The following CRTAC1 variants were observed in gnomAD, a reference collection of about 807,000 sequenced individuals.
CRTAC1 encodes acidic secreted protein in cartilage.
In CRTAC1, 37 loss-of-function variants were observed where a neutral mutation model predicts 67.8. The observed-to-expected ratio is 0.55, with a 90% CI of 0.42 to 0.72. The LOEUF is 0.72. CRTAC1 is among the 30% of genes least tolerant of loss of function. The pLI, the probability that CRTAC1 is intolerant of heterozygous loss-of-function variation, is 0.00. For synonymous variants in CRTAC1, 348 were observed against 371.0 expected, an observed-to-expected ratio of 0.94 and a Z score of 0.71; for missense variants, 780 against 931.6, an observed-to-expected ratio of 0.84 and a Z score of 2.12.
intron 2 of CRTAC1, among the ~76,000 whole-genome samples, chr10:97,997,278 A>G (rs1590276041): frequency 7.2e-6 from 1 of 138,562 alleles, no homozygotes; most frequent in East Asian, 2.0e-4. Context: ...TAAATAAAAT[A>G]AAATAGTCAA....
intron 1 of CRTAC1, among the ~76,000 whole-genome samples, chr10:98,015,313 A>G (rs1842975024): frequency 6.6e-6 from 1 of 152,186 alleles, no homozygotes; most frequent in Non-Finnish European, 1.5e-5. Flanking sequence ...TCATAGAGGT[A>G]GAAAGCAGAA....
Position 98,011,284 on chromosome 10 carries a change from C to T in CRTAC1, c.78G>A (p.Glu26=), listed in dbSNP as rs746436777. 20 of 1,614,062 alleles carry T rather than the reference C, an allele frequency of 1.2e-5. No individual in the cohort carries two copies. The South Asian group carries it at 2.0e-4, about 16-fold the overall frequency. ...ACATGGGTTCAGCCCGCTGGGACCC[C>T]TCAGTGATGGGCAGAAACCAGAGCA... ...LLLLWFLPIT[E]GSQRAEPMFT... is the part of the protein sequence containing the mutation. Residue 26 remains glutamate, a synonymous_variant, in exon 2 of 15, where the codon GAG becomes GAA. Transcript: ENST00000370597.
intron 2 of CRTAC1, among the ~76,000 whole-genome samples, chr10:98,005,609 ATTATAT>A (rs1272221835): frequency 6.6e-6 from 1 of 151,164 alleles, no homozygotes; most frequent in Non-Finnish European, 1.5e-5. Flanking sequence ...TATGTATCTA[ATTATAT>A]TTATATACAT....
At chr10:97,967,685 T>C (rs902588479) in intron 2 of CRTAC1, among the ~76,000 whole-genome samples, 5 of 152,164 alleles carry the variant, frequency 3.3e-5, no homozygotes, top group South Asian at 4.1e-4. Context: ...GGGAGACTGA[T>C]TTTTAAACAA....
intron 2 of CRTAC1, among the ~76,000 whole-genome samples, chr10:98,006,568 C>G (rs921294071): frequency 3.3e-5 from 5 of 152,168 alleles, no homozygotes; most frequent in African/African-American, 1.2e-4. Flanking sequence ...ACAAACCGAC[C>G]CGCAACAAGC....
intron 2 of CRTAC1, among the ~76,000 whole-genome samples, chr10:97,946,322 G>A (rs1395935413): frequency 1.3e-5 from 2 of 152,310 alleles, no homozygotes; most frequent in Admixed American, 1.3e-4. Context: ...GATGTGGTCA[G>A]CACTTCCTTT....
chr10:97,993,477 C>A (rs1260643044), intron 2 of CRTAC1, among the ~76,000 whole-genome samples: 2 of 152,158 alleles, frequency 1.3e-5, no homozygotes, highest in African/African-American at 4.8e-5. Flanking sequence ...TCCATATATG[C>A]CTTATCTCTC....
Position 98,030,006 on chromosome 10 carries a change from C to G in CRTAC1, c.24+443G>C, listed in dbSNP as rs761476911. Among the ~76,000 whole-genome samples the G allele has an allele frequency of 3.3e-5, 5 of 152,074 alleles. No homozygotes were observed. Among genetic ancestry groups the G allele is most frequent in the Non-Finnish European group, 7.4e-5 (5 of 67,978 alleles). Reference sequence around the variant, plus strand: ...CTTCCCCAGCCTGGAAGCGTAGGCACTCGGCCGAGGCCAGTGGCTTCCCAG... The same window carrying G: ...CTTCCCCAGCCTGGAAGCGTAGGCAGTCGGCCGAGGCCAGTGGCTTCCCAG... On this transcript the variant is annotated intron_variant, in intron 1 of 14. Coordinates refer to ENST00000370597, the MANE Select transcript of CRTAC1 (RefSeq NM_018058.7). The surrounding 1 kb of genome is among the most constrained non-coding windows in gnomAD (Gnocchi z 4.2).
At position 97,865,262 on chromosome 10, in the gene CRTAC1, C is replaced by A. The variant is rs2050006196; in HGVS notation, c.*286G>T. On this transcript the variant is annotated 3_prime_UTR_variant, in exon 15 of 15. Coordinates refer to ENST00000370597, the MANE Select transcript of CRTAC1 (RefSeq NM_018058.7). Reference sequence around the variant, plus strand: ...AGTCCTCATACTTCCTGTGCAGTGACACCACCTCCCTGGGCACATCTGTGT... The same window carrying A: ...AGTCCTCATACTTCCTGTGCAGTGAAACCACCTCCCTGGGCACATCTGTGT... The A allele has an allele frequency of 3.0e-6, 1 of 332,174 alleles. No homozygotes were observed. Among genetic ancestry groups the A allele is most frequent in the Non-Finnish European group, 5.5e-6 (1 of 183,132 alleles). 20.6% of individuals were successfully genotyped at this position (332,174 alleles called of 1,614,324 possible). A position where few individuals can be genotyped will look rare whatever the true frequency, so the allele number is the denominator to read the frequency against.
chr10:97,966,793 C>T (rs2051622871), intron 2 of CRTAC1, among the ~76,000 whole-genome samples: 1 of 152,076 alleles, frequency 6.6e-6, no homozygotes, highest in Non-Finnish European at 1.5e-5. Context: ...GCAGAATGTC[C>T]CTCAGTGGGA....
At chr10:97,867,071 TG>T (rs2050035856) in intron 14 of CRTAC1, 2 of 152,288 alleles carry the variant, frequency 1.3e-5, no homozygotes, top group South Asian at 4.1e-4. Context: ...CAAACTTTGG[TG>T]GCCTTTGGTG....
Position 97,944,744 on chromosome 10 carries a change from GC to G in CRTAC1, c.225-8379del, listed in dbSNP as rs572903512. On this transcript the variant is annotated intron_variant, in intron 2 of 14. Coordinates refer to ENST00000370597, the MANE Select transcript of CRTAC1 (RefSeq NM_018058.7). Reference sequence around the variant, plus strand: ...CAGTTCTGAGCCTAGCCTGCAAGGGGCCCAGTAGCTTCCACTTAGTCTCTGG... The same window carrying G: ...CAGTTCTGAGCCTAGCCTGCAAGGGGCCAGTAGCTTCCACTTAGTCTCTGG... Among the ~76,000 whole-genome samples, 602 of 152,304 alleles carry G rather than the reference GC, an allele frequency of 4.0e-3. 3 individuals carry two copies. The highest frequency in any genetic ancestry group is 0.014 in the African/African-American group (571 of 41,564).
chr10:98,027,293 T>C (rs1288204396), intron 1 of CRTAC1, among the ~76,000 whole-genome samples: 3 of 152,122 alleles, frequency 2.0e-5, no homozygotes, highest in Admixed American at 6.5e-5. Flanking sequence ...GAAATGGTAG[T>C]ATCTTGCAGG....
intron 8 of CRTAC1, 26 bp from the exon 9 acceptor site, chr10:97,897,017 C>T (rs774357247): frequency 7.2e-6 from 11 of 1,528,522 alleles, no homozygotes; most frequent in Non-Finnish European, 8.9e-6. Flanking sequence ...CAGGCTTGCT[C>T]TGGTGGGGTC....
intron 1 of CRTAC1, among the ~76,000 whole-genome samples, chr10:98,028,884 C>T (rs887416045): frequency 1.3e-5 from 2 of 152,034 alleles, no homozygotes; most frequent in African/African-American, 4.8e-5. Flanking sequence ...GATTCAGGCT[C>T]AAATGAGCAG....
At chr10:97,976,730 C>G (rs2051810723) in intron 2 of CRTAC1, among the ~76,000 whole-genome samples, 1 of 152,212 alleles carries the variant, frequency 6.6e-6, no homozygotes, top group South Asian at 2.1e-4. Flanking sequence ...CTGACCCAGC[C>G]TCTAATCCAG....
intron 1 of CRTAC1, among the ~76,000 whole-genome samples, chr10:98,021,393 C>T (rs570841417): frequency 1.3e-5 from 2 of 152,266 alleles, no homozygotes; most frequent in South Asian, 2.1e-4. Flanking sequence ...GCAGACAAAA[C>T]CTCGGGGGAC....
intron 13 of CRTAC1, among the ~76,000 whole-genome samples, chr10:97,882,485 C>T (rs1460549853): frequency 1.3e-5 from 2 of 152,214 alleles, no homozygotes; most frequent in Non-Finnish European, 2.9e-5. Context: ...TGGCTATTCC[C>T]CCTGTGCCAG....
At chr10:97,941,197 TCTTC>T (rs1293747301) in intron 2 of CRTAC1, among the ~76,000 whole-genome samples, 3 of 152,036 alleles carry the variant, frequency 2.0e-5, no homozygotes, top group Non-Finnish European at 2.9e-5. Flanking sequence ...CTGCTCTCTC[TCTTC>T]CTTTTCCCCA....
Sources: gnomAD v4.1 joint callset for allele counts (sites outside exome capture counted in the v4.1 genomes callset) on GRCh38, gnomAD v4.1.1 for gene constraint, Gnocchi (gnomAD v3.1) non-coding constraint, MANE v1.5 for transcripts, NCBI Gene and HGNC (gene_info 2026-07-23, HGNC 2026-07-21) for gene names.